MEIS1: variants seen among roughly 807,000 people sequenced by gnomAD.
MEIS1 encodes homeobox protein Meis1.
In MEIS1, 5 loss-of-function variants were observed where a neutral mutation model predicts 50.8. The observed-to-expected ratio is 0.10, with a 90% CI of 0.05 to 0.21. The LOEUF (loss-of-function observed/expected upper bound fraction) is 0.21, where lower values mean the gene tolerates loss of function less well. Ranked by LOEUF, MEIS1 falls within the 10% of genes least tolerant of loss-of-function variation. The probability of loss-of-function intolerance (pLI) is 1.00; values close to 1 mark genes in which losing one functional copy is unlikely to be tolerated. For synonymous variants in MEIS1, 176 were observed against 179.3 expected, an observed-to-expected ratio of 0.98 and a Z score of 0.15; for missense variants, 318 against 517.3, an observed-to-expected ratio of 0.61 and a Z score of 3.74.
At chr2:66,503,736 ATTTTTTTTT>A (rs70943702) in intron 7 of MEIS1, among the ~76,000 whole-genome samples, 1 of 77,800 alleles carries the variant, frequency 1.3e-5, no homozygotes, top group African/African-American at 5.7e-5. Context: ...TATATGGGGC[ATTTTTTTTT>A]TTTTTTTTTT....
intron 6 of MEIS1, among the ~76,000 whole-genome samples, chr2:66,462,328 G>A (rs1255557888): frequency 6.6e-6 from 1 of 152,156 alleles, no homozygotes; most frequent in African/African-American, 2.4e-5. Context: ...TAAAATGAGA[G>A]TGCCCAGGAG....
intron 7 of MEIS1, among the ~76,000 whole-genome samples, chr2:66,508,564 AGCCCCGGCC>A (rs1673742674): frequency 6.6e-6 from 1 of 152,244 alleles, no homozygotes; most frequent in Admixed American, 6.5e-5. Flanking sequence ...GTGTGTGCGC[AGCCCCGGCC>A]GCTGCCTCTG....
chr2:66,503,736 ATTTTTTTT>A (rs70943702), intron 7 of MEIS1, among the ~76,000 whole-genome samples: 2 of 77,800 alleles, frequency 2.6e-5, no homozygotes, highest in Admixed American at 1.7e-4. Context: ...TATATGGGGC[ATTTTTTTT>A]TTTTTTTTTT....
chr2:66,475,367 T>G (rs1672870170), intron 7 of MEIS1, among the ~76,000 whole-genome samples: 1 of 148,180 alleles, frequency 6.7e-6, no homozygotes, highest in African/African-American at 2.5e-5. Context: ...AATATAAATA[T>G]GTATATATAT....
At chr2:66,504,686 A>AT (rs1262626452) in intron 7 of MEIS1, among the ~76,000 whole-genome samples, 2 of 152,148 alleles carry the variant, frequency 1.3e-5, no homozygotes, top group Non-Finnish European at 2.9e-5. Flanking sequence ...AAGTTTGTGT[A>AT]TTCTTAATCT....
chr2:66,499,416 G>A (rs1033779117), intron 7 of MEIS1, among the ~76,000 whole-genome samples: 6 of 151,902 alleles, frequency 3.9e-5, no homozygotes, highest in Admixed American at 6.6e-5. Context: ...ACTTCTGCCT[G>A]ATCCTAGGAT....
chr2:66,437,538 G>A (rs868689943), intron 1 of MEIS1, 199 bp from the exon 2 acceptor site: 4 of 604,410 alleles, frequency 6.6e-6, no homozygotes, highest in Non-Finnish European at 5.9e-6. Flanking sequence ...TCCCAGACGA[G>A]TCTCGCTGAG....
At chr2:66,539,109 G>A (rs1406630461) in intron 8 of MEIS1, among the ~76,000 whole-genome samples, 2 of 152,082 alleles carry the variant, frequency 1.3e-5, no homozygotes, top group Non-Finnish European at 2.9e-5. Flanking sequence ...GGATGATCTC[G>A]ATCTCCTGAC....
intron 9 of MEIS1, among the ~76,000 whole-genome samples, chr2:66,554,144 C>T (rs1674993327): frequency 6.6e-6 from 1 of 152,160 alleles, no homozygotes; most frequent in African/African-American, 2.4e-5. Context: ...AAGTGAGGCT[C>T]AGAGTTGAGT....
Position 66,515,307 on chromosome 2 carries a change from A to G in MEIS1, c.888+3013A>G, listed in dbSNP as rs530212036. Among the ~76,000 whole-genome samples the G allele has an allele frequency of 7.2e-5, 11 of 152,326 alleles. No homozygotes were observed. In the South Asian group the frequency reaches 2.3e-3, roughly 32 times the overall value. ...ATTTCTTTTTAAAATAAATGGATCA[A>G]TCCTTTCACTGGGTTTATTCAGTGA... On this transcript the variant is annotated intron_variant, in intron 8 of 12. Coordinates refer to ENST00000272369, the MANE Select transcript of MEIS1 (RefSeq NM_002398.3).
intron 9 of MEIS1, among the ~76,000 whole-genome samples, chr2:66,557,211 C>T (rs1473483203): frequency 6.6e-6 from 1 of 152,046 alleles, no homozygotes; most frequent in East Asian, 1.9e-4. Flanking sequence ...AGAGGCAGGG[C>T]TAGGACTGGT....
At chr2:66,484,270 T>A (rs1225962186) in intron 7 of MEIS1, among the ~76,000 whole-genome samples, 3 of 152,212 alleles carry the variant, frequency 2.0e-5, no homozygotes, top group African/African-American at 7.2e-5. Context: ...AGGTGCTGAC[T>A]ACCCGCTCAC....
At chr2:66,528,468 G>A (rs990734344) in intron 8 of MEIS1, among the ~76,000 whole-genome samples, 6 of 152,052 alleles carry the variant, frequency 3.9e-5, no homozygotes, top group African/African-American at 4.8e-5. Flanking sequence ...TGCTGTCAGC[G>A]TCGTCTCAGT....
chr2:66,469,933 T>TA (rs61373145), intron 7 of MEIS1, among the ~76,000 whole-genome samples: 170 of 148,554 alleles, frequency 1.1e-3, no homozygotes, highest in African/African-American at 3.2e-3. Flanking sequence ...CAATTTTCTT[T>TA]AAAAAAAAAA....
rs538048187 is a variant in MEIS1 at position 66,568,865 on chromosome 2, G to C, written c.1114+109G>C. 18 of 1,173,184 alleles carry C rather than the reference G, an allele frequency of 1.5e-5. No individual in the cohort carries two copies. The African/African-American group carries it at 2.6e-4, about 17-fold the overall frequency. 72.7% of individuals were successfully genotyped at this position (1,173,184 alleles called of 1,614,324 possible). ...CCTTTTCTGTTATCTCAAGCTGGCT[G>C]CCTTGCCTTGTCTGCTATCTGTGCA... On this transcript the variant is annotated intron_variant, in intron 11 of 12. Coordinates refer to ENST00000272369, the MANE Select transcript of MEIS1 (RefSeq NM_002398.3).
At chr2:66,497,290 G>A (rs1346612160) in intron 7 of MEIS1, among the ~76,000 whole-genome samples, 1 of 152,174 alleles carries the variant, frequency 6.6e-6, no homozygotes, top group Non-Finnish European at 1.5e-5. Context: ...TTCCTTATCT[G>A]TATAGCAGCC....
intron 8 of MEIS1, among the ~76,000 whole-genome samples, chr2:66,541,010 CATTTT>C (rs1033517510): frequency 6.6e-6 from 1 of 151,454 alleles, no homozygotes; most frequent in Non-Finnish European, 1.5e-5. Context: ...GCAGGGAGGG[CATTTT>C]ATTTTATTTT....
chr2:66,562,066 T>TTTTTTTTTTTTTTTTTTTC, intron 9 of MEIS1: 1 of 126,778 alleles, frequency 7.9e-6, no homozygotes, highest in South Asian at 2.7e-4. Flanking sequence ...TTTTTTTTTT[T>TTTTTTTTTTTTTTTTTTTC]TTTTACTTTT....
intron 7 of MEIS1, among the ~76,000 whole-genome samples, chr2:66,503,948 T>G (rs1673625652): frequency 6.6e-6 from 1 of 151,960 alleles, no homozygotes; most frequent in Non-Finnish European, 1.5e-5. Flanking sequence ...TGTTTCACCT[T>G]GTTAGCCAGG....
Sources: gnomAD v4.1 joint callset for allele counts (sites outside exome capture counted in the v4.1 genomes callset) on GRCh38, gnomAD v4.1.1 for gene constraint, MANE v1.5 for transcripts, NCBI Gene and HGNC (gene_info 2026-07-23, HGNC 2026-07-21) for gene names.